The following ST8SIA4 variants were observed in gnomAD, a reference collection of about 807,000 sequenced individuals.
ST8SIA4 encodes the protein ST8 alpha-N-acetyl-neuraminide alpha-2,8-sialyltransferase 4.
In ST8SIA4, 15 loss-of-function variants were observed where a neutral mutation model predicts 33.9. The ratio of observed to expected loss-of-function variants is 0.44; its 90% CI spans 0.30 to 0.68. ST8SIA4 has a LOEUF of 0.68. Ranked by LOEUF, ST8SIA4 falls within the 30% of genes least tolerant of loss-of-function variation. The pLI is 0.10. For synonymous variants in ST8SIA4, 171 were observed against 151.2 expected (o/e 1.13, Z -0.96); for missense variants, 321 against 428.0 (o/e 0.75, Z 2.21).
intron 3 of ST8SIA4, among the ~76,000 whole-genome samples, chr5:100,872,288 G>C (rs548527038): frequency 6.6e-6 from 1 of 151,850 alleles, no homozygotes; most frequent in East Asian, 1.9e-4. Context: ...TCAAATCAAG[G>C]TAATTACCAT....
chr5:100,864,277 T>C (rs1752011218), intron 3 of ST8SIA4, among the ~76,000 whole-genome samples: 1 of 151,976 alleles, frequency 6.6e-6, no homozygotes, highest in South Asian at 2.1e-4. Context: ...GACTTCACAA[T>C]ATATTTATAA....
rs376469422 is a variant in ST8SIA4 at position 100,862,390 on chromosome 5, T to G, written c.504-5994A>C. On this transcript the variant is annotated intron_variant, in intron 3 of 4. Coordinates refer to ENST00000231461, the MANE Select transcript of ST8SIA4 (RefSeq NM_005668.6). ...AAGAATACTTAAATTTTTAAAATAT[T>G]TATTTCTTTATTTCTTTATTTATTT... 8.0e-4 allele frequency among the ~76,000 whole-genome samples: 121 copies of G among 152,126 alleles called. 3 individuals carry two copies. In the South Asian group the frequency reaches 0.024, roughly 31 times the overall value.
intron 3 of ST8SIA4, among the ~76,000 whole-genome samples, chr5:100,863,410 A>C (rs77454920): frequency 0.019 from 2,907 of 152,304 alleles, 100 homozygotes; most frequent in African/African-American, 0.068. Flanking sequence ...GAACACATGA[A>C]TTCAAATCAA....
intron 3 of ST8SIA4, among the ~76,000 whole-genome samples, chr5:100,864,303 G>C (rs1328647803): frequency 6.6e-6 from 1 of 152,068 alleles, no homozygotes; most frequent in South Asian, 2.1e-4. Context: ...GGCCGGGTGC[G>C]GTGGCTCACG....
chr5:100,853,820 T>C (rs148935080), intron 4 of ST8SIA4, among the ~76,000 whole-genome samples: 2 of 152,326 alleles, frequency 1.3e-5, no homozygotes, highest in Non-Finnish European at 2.9e-5. Flanking sequence ...GCTTTGGTTT[T>C]GGTATTGGAT....
intron 1 of ST8SIA4, among the ~76,000 whole-genome samples, chr5:100,897,569 G>GCAAT (rs1188544828): frequency 1.3e-5 from 2 of 151,810 alleles, no homozygotes; most frequent in African/African-American, 2.4e-5. Context: ...TTTAATGCAG[G>GCAAT]CAATCCTCTC....
At chr5:100,891,152 AT>A in intron 2 of ST8SIA4, among the ~76,000 whole-genome samples, 1 of 152,144 alleles carries the variant, frequency 6.6e-6, no homozygotes. Flanking sequence ...TCTAAATGAC[AT>A]TGTTAACTCC....
intron 4 of ST8SIA4, among the ~76,000 whole-genome samples, chr5:100,851,766 T>C (rs1032189235): frequency 3.3e-5 from 5 of 152,188 alleles, no homozygotes; most frequent in African/African-American, 1.2e-4. Flanking sequence ...GTTTGTTTTT[T>C]TCCCATATTA....
intron 4 of ST8SIA4, among the ~76,000 whole-genome samples, chr5:100,817,981 T>A (rs1750964421): frequency 6.6e-6 from 1 of 152,160 alleles, no homozygotes; most frequent in Non-Finnish European, 1.5e-5. Flanking sequence ...CCAGAGACAG[T>A]GTAAAGAGCT....
intron 4 of ST8SIA4, among the ~76,000 whole-genome samples, chr5:100,829,791 C>T (rs1242585796): frequency 6.6e-6 from 1 of 151,812 alleles, no homozygotes; most frequent in African/African-American, 2.4e-5. Flanking sequence ...GCCTGCAGTC[C>T]CAGCTACTCG....
intron 4 of ST8SIA4, 103 bp downstream of exon 4, chr5:100,856,000 T>G: frequency 5.8e-6 from 6 of 1,034,238 alleles, no homozygotes; most frequent in Non-Finnish European, 8.5e-6. Flanking sequence ...GAAACATATA[T>G]CCATTTGGAG....
At chr5:100,846,311 A>C (rs1307717331) in intron 4 of ST8SIA4, among the ~76,000 whole-genome samples, 2 of 151,836 alleles carry the variant, frequency 1.3e-5, no homozygotes, top group Non-Finnish European at 1.5e-5. Context: ...GCAATGTCTA[A>C]CTTCAGCACA....
chr5:100,849,363 C>T, intron 4 of ST8SIA4: 4 of 985,390 alleles, frequency 4.1e-6, no homozygotes, highest in Non-Finnish European at 4.8e-6. Flanking sequence ...CCTTGGAAAT[C>T]AAATTTCTGC....
At chr5:100,861,797 G>A (rs1310307737) in intron 3 of ST8SIA4, among the ~76,000 whole-genome samples, 2 of 152,218 alleles carry the variant, frequency 1.3e-5, no homozygotes, top group African/African-American at 2.4e-5. Flanking sequence ...TGAAGTATAA[G>A]TGACAAATAA....
chr5:100,842,610 T>A (rs1012757261), intron 4 of ST8SIA4, among the ~76,000 whole-genome samples: 4 of 151,808 alleles, frequency 2.6e-5, no homozygotes, highest in Admixed American at 6.6e-5. Context: ...TTGAGAAACA[T>A]ATATTTTGGT....
intron 3 of ST8SIA4, among the ~76,000 whole-genome samples, chr5:100,878,763 C>T (rs1250966383): frequency 6.6e-6 from 1 of 152,090 alleles, no homozygotes; most frequent in African/African-American, 2.4e-5. Flanking sequence ...AATTTCTCAA[C>T]TAGCTATTAA....
intron 4 of ST8SIA4, among the ~76,000 whole-genome samples, chr5:100,832,031 T>C (rs1751274108): frequency 6.6e-6 from 1 of 152,152 alleles, no homozygotes; most frequent in African/African-American, 2.4e-5. Context: ...CTATGAATTC[T>C]AAAGAGAATC....
chr5:100,903,203 G>T lies in ST8SIA4; in HGVS notation c.-248C>A, dbSNP rs1752965326. 1 of 515,866 alleles carries T rather than the reference G, an allele frequency of 1.9e-6. No homozygotes were observed. Among genetic ancestry groups the T allele is most frequent in the African/African-American group, 2.0e-5 (1 of 49,686 alleles). The allele number at this position is 515,866 out of a possible 1,614,324, so 32.0% of individuals were successfully genotyped here. On this transcript the variant is annotated 5_prime_UTR_variant, in exon 1 of 5. Transcript: ENST00000231461. ...CAGGGTCGCTCCGCGCCGCCTCCCTGGGGCTCAGGTTTCTTTTCAGATGAG... is the reference window on the plus strand; with the variant it reads ...CAGGGTCGCTCCGCGCCGCCTCCCTTGGGCTCAGGTTTCTTTTCAGATGAG...
At chr5:100,868,418 C>G (rs1212922549) in intron 3 of ST8SIA4, among the ~76,000 whole-genome samples, 1 of 151,996 alleles carries the variant, frequency 6.6e-6, no homozygotes, top group Admixed American at 6.6e-5. Flanking sequence ...TACTAATCAT[C>G]TTTGTGAAAA....
Sources: gnomAD v4.1 joint callset for allele counts (sites outside exome capture counted in the v4.1 genomes callset) on GRCh38, gnomAD v4.1.1 for gene constraint, MANE v1.5 for transcripts, NCBI Gene and HGNC (gene_info 2026-07-23, HGNC 2026-07-21) for gene names.